The following KCNQ5 variants were observed in gnomAD, a reference collection of about 807,000 sequenced individuals.
KCNQ5 encodes potassium voltage-gated channel subfamily KQT member 5.
Under a neutral mutation model 98.2 loss-of-function variants are expected in KCNQ5, and 30 were observed. That is an observed-to-expected ratio of 0.31 (90% CI 0.23 to 0.41). KCNQ5 has a LOEUF of 0.41. KCNQ5 is among the 10% of genes least tolerant of loss of function. The probability of loss-of-function intolerance (pLI) is 1.00; values close to 1 mark genes in which losing one functional copy is unlikely to be tolerated. For synonymous variants in KCNQ5, 458 were observed against 449.4 expected (o/e 1.02, Z -0.24); for missense variants, 835 against 1,182.5 (o/e 0.71, Z 4.31).
At chr6:73,076,512 T>C (rs1019777238) in intron 3 of KCNQ5, among the ~76,000 whole-genome samples, 2 of 152,210 alleles carry the variant, frequency 1.3e-5, no homozygotes, top group African/African-American at 4.8e-5. Context: ...TTTTCTATGC[T>C]TTCATCAGAT....
chr6:72,724,938 A>T (rs551938454), intron 1 of KCNQ5, among the ~76,000 whole-genome samples: 5 of 152,226 alleles, frequency 3.3e-5, no homozygotes, highest in African/African-American at 1.2e-4. Flanking sequence ...ACTTCATAAC[A>T]TGGTTGCATA....
chr6:72,925,628 T>A (rs191652307), intron 1 of KCNQ5, among the ~76,000 whole-genome samples: 21 of 152,134 alleles, frequency 1.4e-4, no homozygotes, highest in Non-Finnish European at 2.5e-4. Context: ...TAACCAGAGC[T>A]CATAAAGGCT....
chr6:72,829,029 C>G (rs1402967155), intron 1 of KCNQ5, among the ~76,000 whole-genome samples: 2 of 151,882 alleles, frequency 1.3e-5, no homozygotes, highest in East Asian at 3.9e-4. Context: ...TTTATATAGA[C>G]CTAAATACAT....
chr6:73,156,875 C>G (rs1023498349), intron 10 of KCNQ5, among the ~76,000 whole-genome samples: 5 of 152,098 alleles, frequency 3.3e-5, no homozygotes, highest in Non-Finnish European at 7.4e-5. Context: ...TTGGCGCATC[C>G]GAGGAGATAG....
Position 72,909,424 on chromosome 6 carries a change from C to A in KCNQ5, c.399-94484C>A, listed in dbSNP as rs4708001. Among the ~76,000 whole-genome samples, 937 of 152,224 alleles carry A rather than the reference C, an allele frequency of 6.2e-3. 31 individuals are homozygous for A. In the East Asian group the frequency reaches 0.088, roughly 14 times the overall value. ...CAAACTATTTTCTTGATCAATATGA[C>A]GGGAAATTAAGCGTTAAATTTTTCC... On this transcript the variant is annotated intron_variant, in intron 1 of 13. Coordinates refer to ENST00000370398, the MANE Select transcript of KCNQ5 (RefSeq NM_019842.4).
intron 1 of KCNQ5, among the ~76,000 whole-genome samples, chr6:72,790,197 G>A (rs574425414): frequency 6.6e-6 from 1 of 152,124 alleles, no homozygotes; most frequent in Admixed American, 6.5e-5. Flanking sequence ...CAGCTCTTTT[G>A]TGCTCTATAG....
intron 1 of KCNQ5, among the ~76,000 whole-genome samples, chr6:72,978,526 A>T (rs1562106259): frequency 6.6e-6 from 1 of 152,238 alleles, no homozygotes; most frequent in Non-Finnish European, 1.5e-5. Flanking sequence ...CAGACTTCTG[A>T]TAGGGACTCA....
chr6:72,973,320 T>TA (rs1389977721), intron 1 of KCNQ5, among the ~76,000 whole-genome samples: 24 of 151,868 alleles, frequency 1.6e-4, no homozygotes, highest in South Asian at 4.2e-4. Context: ...TAAACTTCTC[T>TA]AAAAAAACCT....
At chr6:72,874,667 G>T (rs1778339122) in intron 1 of KCNQ5, among the ~76,000 whole-genome samples, 1 of 151,996 alleles carries the variant, frequency 6.6e-6, no homozygotes, top group Admixed American at 6.6e-5. Flanking sequence ...CCATAAACCT[G>T]GCACTGTGCT....
intron 1 of KCNQ5, among the ~76,000 whole-genome samples, chr6:72,955,373 G>A (rs999307919): frequency 1.3e-5 from 2 of 152,056 alleles, no homozygotes; most frequent in African/African-American, 4.8e-5. Context: ...GTCAAATTGA[G>A]GCCTTTGATT....
At chr6:72,658,025 G>C (rs932674249) in intron 1 of KCNQ5, among the ~76,000 whole-genome samples, 3 of 152,086 alleles carry the variant, frequency 2.0e-5, no homozygotes, top group African/African-American at 7.2e-5. Flanking sequence ...TGTATTCTGG[G>C]CATCTGCAGG....
At chr6:72,935,337 C>A (rs1043171980) in intron 1 of KCNQ5, among the ~76,000 whole-genome samples, 1 of 152,132 alleles carries the variant, frequency 6.6e-6, no homozygotes, top group Non-Finnish European at 1.5e-5. Context: ...TCCCAAAGTG[C>A]TGGGATTACA....
chr6:73,010,970 C>T (rs572282486), intron 2 of KCNQ5, among the ~76,000 whole-genome samples: 4 of 152,136 alleles, frequency 2.6e-5, no homozygotes, highest in Admixed American at 2.0e-4. Context: ...AATGCAATTC[C>T]TATCAAAATC....
chr6:72,755,959 C>T (rs1771947450), intron 1 of KCNQ5, among the ~76,000 whole-genome samples: 2 of 152,126 alleles, frequency 1.3e-5, no homozygotes, highest in Admixed American at 1.3e-4. Context: ...ACAGCAGGGA[C>T]CTCTCTCTCG....
At chr6:72,731,718 A>T (rs753072534) in intron 1 of KCNQ5, among the ~76,000 whole-genome samples, 1 of 152,192 alleles carries the variant, frequency 6.6e-6, no homozygotes, top group Non-Finnish European at 1.5e-5. Flanking sequence ...TCTGTCACTC[A>T]TCTCCTCCTT....
At chr6:73,003,204 A>G (rs1769666481) in intron 1 of KCNQ5, among the ~76,000 whole-genome samples, 1 of 152,164 alleles carries the variant, frequency 6.6e-6, no homozygotes, top group African/African-American at 2.4e-5. Flanking sequence ...AAATATCTGT[A>G]GATTAATTGG....
At chr6:73,000,026 G>C (rs575149129) in intron 1 of KCNQ5, among the ~76,000 whole-genome samples, 1 of 151,916 alleles carries the variant, frequency 6.6e-6, no homozygotes, top group Non-Finnish European at 1.5e-5. Flanking sequence ...CTGGAGGACC[G>C]TGGACTCTAC....
chr6:72,831,279 CAT>C (rs763512224), intron 1 of KCNQ5, among the ~76,000 whole-genome samples: 1 of 152,140 alleles, frequency 6.6e-6, no homozygotes, highest in Non-Finnish European at 1.5e-5. Context: ...CACATGCACA[CAT>C]ATGTTTATTG....
chr6:72,780,625 G>A (rs1773414422), intron 1 of KCNQ5, among the ~76,000 whole-genome samples: 1 of 152,130 alleles, frequency 6.6e-6, no homozygotes, highest in Admixed American at 6.5e-5. Context: ...AGTGACTGTT[G>A]GGTGAGGAGT....
Sources: gnomAD v4.1 joint callset for allele counts (sites outside exome capture counted in the v4.1 genomes callset) on GRCh38, gnomAD v4.1.1 for gene constraint, MANE v1.5 for transcripts, NCBI Gene and HGNC (gene_info 2026-07-23, HGNC 2026-07-21) for gene names.